Variants in WWP2 observed in about 807,000 individuals in gnomAD.
WWP2 encodes WW domain containing E3 ubiquitin protein ligase 2, also known as NEDD4-like E3 ubiquitin-protein ligase WWP2.
Under a neutral mutation model 121.0 loss-of-function variants are expected in WWP2, and 57 were observed. The ratio of observed to expected loss-of-function variants is 0.47; its 90% CI spans 0.38 to 0.59. The LOEUF (loss-of-function observed/expected upper bound fraction) is 0.59, where lower values mean the gene tolerates loss of function less well. Ranked by LOEUF, WWP2 falls within the 20% of genes least tolerant of loss-of-function variation. WWP2 has a pLI of 0.00. For missense variants in WWP2, 962 were observed against 1,158.9 expected, an observed-to-expected ratio of 0.83 and a Z score of 2.47; for synonymous variants, 449 against 441.3, an observed-to-expected ratio of 1.02 and a Z score of -0.22.
intron 6 of WWP2, among the ~76,000 whole-genome samples, chr16:69,866,631 T>C (rs1283226748): frequency 2.0e-5 from 3 of 152,128 alleles, no homozygotes; most frequent in Admixed American, 1.3e-4. Flanking sequence ...TGGTAGCCTG[T>C]GTCAAAATTT....
chr16:69,930,649 T>A (rs1247815016), intron 13 of WWP2, among the ~76,000 whole-genome samples: 1 of 152,164 alleles, frequency 6.6e-6, no homozygotes, highest in African/African-American at 2.4e-5. Flanking sequence ...CAGTGAGCTA[T>A]GATGGCACCA....
intron 11 of WWP2, among the ~76,000 whole-genome samples, chr16:69,927,369 A>G (rs1257848087): frequency 6.6e-6 from 1 of 152,096 alleles, no homozygotes; most frequent in African/African-American, 2.4e-5. Context: ...TTCCCCACAC[A>G]CTGCTGTGGG....
At chr16:69,804,481 A>C (rs1336701923) in intron 4 of WWP2, among the ~76,000 whole-genome samples, 2 of 152,150 alleles carry the variant, frequency 1.3e-5, no homozygotes, top group Non-Finnish European at 1.5e-5. Context: ...GAGTTGCTTC[A>C]GCTTATATTA....
intron 8 of WWP2, among the ~76,000 whole-genome samples, chr16:69,900,771 G>A (rs767032790): frequency 1.5e-4 from 23 of 152,162 alleles, no homozygotes; most frequent in South Asian, 4.1e-4. Context: ...TGATCTGCCC[G>A]CCTTGGCCTC....
intron 1 of WWP2, among the ~76,000 whole-genome samples, chr16:69,773,798 T>G (rs1393459109): frequency 2.0e-5 from 3 of 152,214 alleles, no homozygotes; most frequent in Admixed American, 6.5e-5. Context: ...GTTTTTCATT[T>G]GCATAATTTT....
At chr16:69,786,868 T>C in intron 1 of WWP2, 128 bp from the exon 2 acceptor site, 2 of 702,102 alleles carry the variant, frequency 2.8e-6, no homozygotes, top group South Asian at 4.0e-5. Flanking sequence ...AACTATACCC[T>C]GGTTGCAGTT....
chr16:69,808,913 G>A (rs923162595), intron 4 of WWP2, among the ~76,000 whole-genome samples: 1 of 152,214 alleles, frequency 6.6e-6, no homozygotes, highest in Non-Finnish European at 1.5e-5. Context: ...TTGGTTCATA[G>A]GGTGGATGTA....
chr16:69,792,368 T>C (rs751293455), intron 2 of WWP2, among the ~76,000 whole-genome samples: 1 of 152,326 alleles, frequency 6.6e-6, no homozygotes, highest in East Asian at 1.9e-4. Flanking sequence ...TAAGAGCTTT[T>C]TCAGTGTATA....
intron 9 of WWP2, chr16:69,909,330 T>C (rs565540316): frequency 1.0e-6 from 1 of 986,856 alleles, no homozygotes; most frequent in African/African-American, 1.7e-5. Flanking sequence ...GGATGTATTC[T>C]GCTCCAAGAA....
intron 1 of WWP2, among the ~76,000 whole-genome samples, chr16:69,775,895 G>A (rs1458550617): frequency 2.0e-5 from 3 of 152,132 alleles, no homozygotes; most frequent in Non-Finnish European, 4.4e-5. Context: ...GCTAAGAGTT[G>A]GTCTGTGTTT....
At chr16:69,854,650 A>C (rs2057277061) in intron 6 of WWP2, among the ~76,000 whole-genome samples, 1 of 152,058 alleles carries the variant, frequency 6.6e-6, no homozygotes, top group Non-Finnish European at 1.5e-5. Context: ...TTCTGGGTTC[A>C]AGCAGTTCTC....
At chr16:69,918,975 C>G (rs1171011987) in intron 10 of WWP2, among the ~76,000 whole-genome samples, 2 of 151,342 alleles carry the variant, frequency 1.3e-5, no homozygotes, top group Non-Finnish European at 2.9e-5. Flanking sequence ...TCCCAAGTAG[C>G]TGGGATTACA....
intron 11 of WWP2, 49 bp from the exon 12 acceptor site, chr16:69,929,399 G>T: frequency 6.4e-7 from 1 of 1,571,714 alleles, no homozygotes; most frequent in South Asian, 1.1e-5. Flanking sequence ...AAAGGACACC[G>T]GCTCTCCGTG....
At chr16:69,911,020 G>C (rs2058371811) in intron 9 of WWP2, among the ~76,000 whole-genome samples, 1 of 152,210 alleles carries the variant, frequency 6.6e-6, no homozygotes, top group African/African-American at 2.4e-5. Flanking sequence ...GATCCAGAGA[G>C]AACAGAATGA....
intron 6 of WWP2, among the ~76,000 whole-genome samples, chr16:69,849,357 T>C (rs2057155688): frequency 6.6e-6 from 1 of 152,206 alleles, no homozygotes. Flanking sequence ...ACTGCAGTTA[T>C]TTAGAGATGT....
chr16:69,882,554 C>G (rs2057849980), intron 7 of WWP2, among the ~76,000 whole-genome samples: 1 of 152,204 alleles, frequency 6.6e-6, no homozygotes, highest in African/African-American at 2.4e-5. Context: ...TCAGCAAAGT[C>G]AAAACAGCAT....
Position 69,871,859 on chromosome 16 carries a change from AG to A in WWP2, c.632del (p.Ser211ThrfsTer25). 6.2e-7 allele frequency: 1 copy of A among 1,614,086 alleles called. No homozygotes were observed. The highest frequency in any genetic ancestry group is 8.5e-7 in the Non-Finnish European group (1 of 1,180,028). ...ARTTPATGEQ[S>X]PGARSRHRQP... ...AACAACCCCAGCAACCGGCGAGCAAAGCCCCGGTGCTCGGAGCCGGCACCGC... is the reference window on the plus strand; with the variant it reads ...AACAACCCCAGCAACCGGCGAGCAAACCCCGGTGCTCGGAGCCGGCACCGC... On this transcript the variant is annotated frameshift_variant, in exon 7 of 24. Transcript: ENST00000359154. LOFTEE classifies it high-confidence loss of function.
In WWP2 at chr16:69,930,103, T is replaced by C. The variant is rs568135299; in HGVS notation, c.1317-27T>C. The C allele has an allele frequency of 4.3e-5, 70 of 1,613,670 alleles. 1 individual carries two copies. The Admixed American group carries it at 1.1e-3, about 26-fold the overall frequency. ...AAGGTCCAGAAGGTGGGGCCAGCCC[T>C]TCACCCTTTTCTTCCCGTGTTTCCA... On this transcript the variant is annotated intron_variant, in intron 12 of 23. Coordinates refer to ENST00000359154, the MANE Select transcript of WWP2 (RefSeq NM_001270454.2).
At chr16:69,898,682 C>T (rs564020196) in intron 8 of WWP2, among the ~76,000 whole-genome samples, 2 of 151,986 alleles carry the variant, frequency 1.3e-5, no homozygotes, top group African/African-American at 4.8e-5. Context: ...TATTTTTAAT[C>T]TGCAGGATTC....
Sources: allele counts gnomAD v4.1 joint callset (sites outside exome capture counted in the v4.1 genomes callset), GRCh38; gene constraint gnomAD v4.1.1; transcripts MANE v1.5; gene names NCBI Gene and HGNC (gene_info 2026-07-23, HGNC 2026-07-21).